The following CCDC40 variants were observed in gnomAD, a reference collection of about 807,000 sequenced individuals.
CCDC40 encodes the protein coiled-coil domain 40 molecular ruler complex subunit.
A neutral mutation model predicts 124.5 loss-of-function variants in CCDC40; 104 were observed. The observed-to-expected ratio is 0.84, with a 90% CI of 0.71 to 0.98. The LOEUF (loss-of-function observed/expected upper bound fraction) is 0.98, where lower values mean the gene tolerates loss of function less well. Among genes scored for constraint, CCDC40 ranks in the 50% least tolerant of loss-of-function variants. CCDC40 has a pLI of 0.00. For missense variants in CCDC40, 1,463 were observed against 1,503.9 expected, an observed-to-expected ratio of 0.97 and a Z score of 0.45; for synonymous variants, 580 against 602.9, an observed-to-expected ratio of 0.96 and a Z score of 0.56.
At position 80,039,831 on chromosome 17, in the gene CCDC40, A is replaced by G. The variant is rs1060501718; in HGVS notation, c.113A>G (p.Asp38Gly). Residue 38 changes from aspartate to glycine, a missense_variant, in exon 3 of 20, where the codon GAT (aspartate) becomes GGT (glycine). Asp to Gly is a moderately conservative substitution (Grantham distance 94, BLOSUM62 -1). Transcript: ENST00000397545. Reference sequence around the variant, plus strand: ...TTACAGGTGTCACCACCAGAGAAGGATGATGGCCAGAAAGGTGAAGAAGCT... The same window carrying G: ...TTACAGGTGTCACCACCAGAGAAGGGTGATGGCCAGAAAGGTGAAGAAGCT... The part of the protein sequence containing the change: ...ESHMVSPPEK[D>G]DGQKGEEAVG... 32 of 1,613,750 alleles carry G rather than the reference A, an allele frequency of 2.0e-5. No homozygotes were observed. Among genetic ancestry groups the G allele is most frequent in the African/African-American group, 8.0e-5 (6 of 74,856 alleles).
chr17:80,052,616 A>G (rs895161776), intron 7 of CCDC40, among the ~76,000 whole-genome samples: 1 of 152,042 alleles, frequency 6.6e-6, no homozygotes, highest in Non-Finnish European at 1.5e-5. Flanking sequence ...TGAGTTACCA[A>G]CCCGAGATCC....
intron 9 of CCDC40, among the ~76,000 whole-genome samples, chr17:80,061,955 A>T (rs1056283062): frequency 6.6e-6 from 1 of 152,098 alleles, no homozygotes; most frequent in Non-Finnish European, 1.5e-5. Context: ...GTATGTTAAA[A>T]ATGATAAAGC....
chr17:80,081,017 T>G (rs2038433676), intron 10 of CCDC40, among the ~76,000 whole-genome samples: 2 of 152,206 alleles, frequency 1.3e-5, no homozygotes, highest in African/African-American at 4.8e-5. Flanking sequence ...TGTGTCAAAA[T>G]ATCGCATGTA....
At position 80,088,351 on chromosome 17, in the gene CCDC40, A is replaced by C. The variant is rs966791401; in HGVS notation, c.2711+249A>C. 1.1e-5 allele frequency: 6 copies of C among 525,634 alleles called. No homozygotes were observed. The Admixed American group carries it at 1.8e-4, about 16-fold the overall frequency. The allele number at this position is 525,634 out of a possible 1,614,324, so 32.6% of individuals were successfully genotyped here. ...ACTGCAACCTCTGCCTCCCAGCTTC[A>C]AGTGATTTTCCTGCCTCAACCTCCT... On this transcript the variant is annotated intron_variant, in intron 16 of 19. Transcript: ENST00000397545.
chr17:80,058,707 AGG>A lies in CCDC40; in HGVS notation c.1317+59_1317+60del. The A allele has an allele frequency of 6.2e-7, 1 of 1,609,118 alleles. No individual in the cohort carries two copies. Among genetic ancestry groups the A allele is most frequent in the Non-Finnish European group, 8.5e-7 (1 of 1,175,586 alleles). ...ATCACCAGACCGTGGAGCTTCAAAA[AGG>A]GGCTCAGCTTTGCCTCCTGCGTGAA... On this transcript the variant is annotated intron_variant, in intron 8 of 19. Transcript: ENST00000397545. The surrounding 1 kb of genome is among the most constrained non-coding windows in gnomAD (Gnocchi z 4.2).
intron 17 of CCDC40, 189 bp downstream of exon 17, chr17:80,090,073 G>T: frequency 6.5e-7 from 1 of 1,536,960 alleles, no homozygotes; most frequent in South Asian, 1.2e-5. Context: ...CACTCCAGCC[G>T]AGCACTGGCA....
chr17:80,091,441 G>A (rs568239105), intron 17 of CCDC40, among the ~76,000 whole-genome samples: 1 of 152,196 alleles, frequency 6.6e-6, no homozygotes, highest in East Asian at 1.9e-4. Flanking sequence ...CTAATCTGCA[G>A]ACCCAGGAGA....
chr17:80,085,913 A>G, intron 13 of CCDC40, 90 bp from the exon 14 acceptor site: 1 of 1,213,592 alleles, frequency 8.2e-7, no homozygotes, highest in Non-Finnish European at 1.2e-6. Flanking sequence ...CGGGTGATCC[A>G]CCCGCCTCAG....
intron 9 of CCDC40, among the ~76,000 whole-genome samples, chr17:80,060,226 G>A (rs571514288): frequency 6.6e-5 from 10 of 151,948 alleles, no homozygotes; most frequent in Middle Eastern, 3.4e-3. Context: ...CCCTAGCATC[G>A]CCGCACCAAA....
At chr17:80,097,870 A>G (rs2038838095) in intron 19 of CCDC40, 2 of 185,258 alleles carry the variant, frequency 1.1e-5, no homozygotes, top group South Asian at 1.1e-4. Context: ...ACTGCACTCC[A>G]GCCTGGGTGA....
At chr17:80,050,408 CTTTT>C in intron 7 of CCDC40, 125 bp downstream of exon 7, 1 of 755,198 alleles carries the variant, frequency 1.3e-6, no homozygotes, top group Non-Finnish European at 2.3e-6. Context: ...GGTTCCCACC[CTTTT>C]TAGGAGGGGA....
In CCDC40 at chr17:80,047,083, C is replaced by T. The variant is rs527911009; in HGVS notation, c.553-196C>T. Among the ~76,000 whole-genome samples the T allele has an allele frequency of 5.9e-5, 9 of 152,264 alleles. No homozygotes were observed. The South Asian group carries it at 8.3e-4, about 14-fold the overall frequency. ...CTGGTCTCGAACTCCTGGCCTCAAG[C>T]GATCCACCCGCCTTGGCCTCCCAAA... On this transcript the variant is annotated intron_variant, in intron 3 of 19. Coordinates refer to ENST00000397545, the MANE Select transcript of CCDC40 (RefSeq NM_017950.4).
chr17:80,058,834 G>T lies in CCDC40; in HGVS notation c.1318-24G>T. 6.2e-7 allele frequency: 1 copy of T among 1,614,016 alleles called. No individual in the cohort carries two copies. On this transcript the variant is annotated intron_variant, in intron 8 of 19. Transcript: ENST00000397545. This position sits in a 1 kb window ranked among gnomAD's most constrained non-coding sequence, Gnocchi z 4.2. Reference sequence around the variant, plus strand: ...TCAGCCACGGGCACCTCCTGACGGGGCTGCTTCTCATCCTGTTTCCCAGGA... The same window carrying T: ...TCAGCCACGGGCACCTCCTGACGGGTCTGCTTCTCATCCTGTTTCCCAGGA...
At chr17:80,037,284 C>T (rs2037103449) in intron 1 of CCDC40, among the ~76,000 whole-genome samples, 1 of 152,294 alleles carries the variant, frequency 6.6e-6, no homozygotes, top group South Asian at 2.1e-4. Flanking sequence ...ACAGGGAGGG[C>T]GGCTGAGTGA....
In CCDC40 at chr17:80,091,252, C is replaced by T. The variant is rs552151784; in HGVS notation, c.2832+1368C>T. 4.0e-5 allele frequency among the ~76,000 whole-genome samples: 6 copies of T among 151,354 alleles called. No homozygotes were observed. In the South Asian group the frequency reaches 8.3e-4, roughly 21 times the overall value. On this transcript the variant is annotated intron_variant, in intron 17 of 19. Coordinates refer to ENST00000397545, the MANE Select transcript of CCDC40 (RefSeq NM_017950.4). ...TTTGTTGTTGGTGTTATTGTTTTGTCCTAGACACAATGTGTGTTAGGGTTC... is the reference window on the plus strand; with the variant it reads ...TTTGTTGTTGGTGTTATTGTTTTGTTCTAGACACAATGTGTGTTAGGGTTC...
rs8074956 is a variant in CCDC40, at chr17:80,038,204, C to A, written c.93+18C>A. 0.012 allele frequency: 17,723 copies of A among 1,524,936 alleles called. 1,450 individuals are homozygous for A. The African/African-American group carries it at 0.2, about 17-fold the overall frequency. The allele number at this position is 1,524,936 out of a possible 1,614,324, so 94.5% of individuals were successfully genotyped here. A position where few individuals can be genotyped will look rare whatever the true frequency, so the allele number is the denominator to read the frequency against. On this transcript the variant is annotated intron_variant, in intron 2 of 19. Transcript: ENST00000397545. ...GCCACATGGTAAAATTCCCTATGGG[C>A]AGTTATTCCGGGCTTATATTTACTA... is the stretch of plus-strand genomic sequence containing the variant.
intron 7 of CCDC40, among the ~76,000 whole-genome samples, chr17:80,057,840 C>T (rs988522040): frequency 4.6e-5 from 7 of 151,084 alleles, no homozygotes; most frequent in South Asian, 2.1e-4. Context: ...CGCGCCACTG[C>T]ACTCCAGCCT....
At chr17:80,067,914 A>C in intron 10 of CCDC40, 1 of 1,320,276 alleles carries the variant, frequency 7.6e-7, no homozygotes, top group Non-Finnish European at 9.7e-7. Flanking sequence ...TGTTGAGTGA[A>C]TATTTTAGTG....
rs773447733 is a variant in CCDC40 at position 80,040,235 on chromosome 17, G to C, written c.517G>C (p.Gly173Arg). 1.2e-6 allele frequency: 2 copies of C among 1,613,936 alleles called. No individual in the cohort carries two copies. Residue 173 changes from glycine to arginine, a missense_variant, in exon 3 of 20, where the codon GGC becomes CGC. Gly to Arg is a moderately radical substitution (Grantham distance 125). Coordinates refer to ENST00000397545, the MANE Select transcript of CCDC40 (RefSeq NM_017950.4). ...HGVLGPSEQM[G>R]QVTSGPAVGR... is the part of the protein sequence containing the mutation. ...AGTCTTAGGCCCGTCGGAGCAAATG[G>C]GCCAGGTCACCTCTGGGCCAGCAGT...
Sources: allele counts gnomAD v4.1 joint callset (sites outside exome capture counted in the v4.1 genomes callset), GRCh38; gene constraint gnomAD v4.1.1; non-coding constraint Gnocchi (gnomAD v3.1); transcripts MANE v1.5; gene names NCBI Gene and HGNC (gene_info 2026-07-23, HGNC 2026-07-21).